The following METTL16 variants were observed in gnomAD, a reference collection of about 807,000 sequenced individuals.
The protein encoded by METTL16 is RNA N(6)-adenosine-methyltransferase METTL16.
METTL16 carries 19 observed loss-of-function variants against 57.9 expected under a neutral mutation model. The ratio of observed to expected loss-of-function variants is 0.33; its 90% CI spans 0.23 to 0.48. The LOEUF is 0.48. Among genes scored for constraint, METTL16 ranks in the 20% least tolerant of loss-of-function variants. The probability of loss-of-function intolerance (pLI) is 0.99; values close to 1 mark genes in which losing one functional copy is unlikely to be tolerated. For missense variants in METTL16, 434 were observed against 691.5 expected (o/e 0.63, Z 4.18); for synonymous variants, 246 against 255.6 (o/e 0.96, Z 0.36).
At chr17:2,443,386 A>T (rs932487117) in intron 6 of METTL16, among the ~76,000 whole-genome samples, 1 of 152,196 alleles carries the variant, frequency 6.6e-6, no homozygotes, top group Non-Finnish European at 1.5e-5. Context: ...TAAGGAAGAA[A>T]TAATATTAAT....
intron 8 of METTL16, among the ~76,000 whole-genome samples, chr17:2,430,412 CTTTTTTTTT>C (rs903960118): frequency 6.8e-5 from 8 of 118,500 alleles, no homozygotes; most frequent in African/African-American, 2.3e-4. Flanking sequence ...TTAGAATTCT[CTTTTTTTTT>C]TTTTTTTTTT....
At position 2,510,723 on chromosome 17, in the gene METTL16, T is replaced by C. The variant is rs548332028; in HGVS notation, c.-1+1036A>G. ...CATTCTGTTGCCCAGAGTGCAATGA[T>C]GGAATCATAGCTCCCTGCAGCCTCC... is the stretch of plus-strand genomic sequence containing the variant. On this transcript the variant is annotated intron_variant, in intron 1 of 9. Transcript: ENST00000263092. 3.3e-5 allele frequency among the ~76,000 whole-genome samples: 5 copies of C among 152,142 alleles called. No individual in the cohort carries two copies. In the South Asian group the frequency reaches 1.0e-3, roughly 32 times the overall value.
chr17:2,433,274 G>C (rs540581337), intron 8 of METTL16, among the ~76,000 whole-genome samples: 26 of 152,320 alleles, frequency 1.7e-4, no homozygotes, highest in African/African-American at 4.6e-4. Flanking sequence ...CGGCACCATG[G>C]GAAGGCTGTG....
rs766217686 is a variant in METTL16, at chr17:2,477,673, TA to T, written c.328+12del. Reference sequence around the variant, plus strand: ...AAAACTGTTTAGCCAAAAAAGAATTTAAAATGATATACCTATGTCAATTCCT... The same window carrying T: ...AAAACTGTTTAGCCAAAAAAGAATTTAAATGATATACCTATGTCAATTCCT... On this transcript the variant is annotated intron_variant, in intron 3 of 9. Transcript: ENST00000263092. 1 of 1,595,742 alleles carries T rather than the reference TA, an allele frequency of 6.3e-7. No homozygotes were observed. Among genetic ancestry groups the T allele is most frequent in the Non-Finnish European group, 8.6e-7 (1 of 1,165,226 alleles).
intron 4 of METTL16, among the ~76,000 whole-genome samples, chr17:2,470,252 T>C (rs954679948): frequency 5.3e-5 from 8 of 151,888 alleles, no homozygotes; most frequent in African/African-American, 1.9e-4. Flanking sequence ...TTCAGCACTA[T>C]GTTTAGGGAC....
chr17:2,480,263 G>A (rs977719710), intron 2 of METTL16, among the ~76,000 whole-genome samples: 4 of 151,932 alleles, frequency 2.6e-5, no homozygotes, highest in Admixed American at 6.6e-5. Context: ...ATGGATGATG[G>A]GCAGCATCAG....
Position 2,467,714 on chromosome 17 carries a change from C to T in METTL16, c.585+47G>A, listed in dbSNP as rs763149492. ...GTGCAGGGATTACAGGCGTGAGCCA[C>T]CGCGCCCAGCCTATATTCAATTATT... On this transcript the variant is annotated intron_variant, in intron 5 of 9. Transcript: ENST00000263092. 8.1e-6 allele frequency: 12 copies of T among 1,480,592 alleles called. 1 individual carries two copies. The Admixed American group carries it at 1.2e-4, about 14-fold the overall frequency. The allele number at this position is 1,480,592 out of a possible 1,614,324, so 91.7% of individuals were successfully genotyped here.
intron 6 of METTL16, among the ~76,000 whole-genome samples, chr17:2,453,950 A>G (rs1440586239): frequency 5.9e-5 from 9 of 152,146 alleles, no homozygotes; most frequent in African/African-American, 2.2e-4. Context: ...ATAATAGTTT[A>G]TTATTCTTTC....
rs1335308832 is a variant in METTL16 at position 2,426,713 on chromosome 17, A to G, written c.889-5809T>C. Among the ~76,000 whole-genome samples the G allele has an allele frequency of 2.9e-5, 4 of 139,818 alleles. No individual in the cohort carries two copies. The East Asian group carries it at 8.6e-4, about 30-fold the overall frequency. The allele number at this position is 139,818 out of a possible 152,430, so 91.7% of individuals were successfully genotyped here. On this transcript the variant is annotated intron_variant, in intron 8 of 9. Coordinates refer to ENST00000263092, the MANE Select transcript of METTL16 (RefSeq NM_024086.4). ...CACTGGACTCCAACCTGGGTGACAG[A>G]GCAAGACTCCGTCTCAAAAAAAAAA...
chr17:2,468,838 T>C (rs1438080039), intron 4 of METTL16, among the ~76,000 whole-genome samples: 1 of 152,006 alleles, frequency 6.6e-6, no homozygotes, highest in Non-Finnish European at 1.5e-5. Flanking sequence ...CAGCGAGCCA[T>C]GATCACGCCA....
intron 6 of METTL16, among the ~76,000 whole-genome samples, chr17:2,456,912 C>T (rs537314014): frequency 6.6e-6 from 1 of 150,702 alleles, no homozygotes; most frequent in African/African-American, 2.4e-5. Context: ...CTCAGCCTGC[C>T]ATGTAGCTGG....
chr17:2,430,409 TCTC>T (rs1285540330), intron 8 of METTL16, among the ~76,000 whole-genome samples: 2 of 146,076 alleles, frequency 1.4e-5, no homozygotes, highest in Non-Finnish European at 3.0e-5. Context: ...TTTTTAGAAT[TCTC>T]TTTTTTTTTT....
intron 6 of METTL16, among the ~76,000 whole-genome samples, chr17:2,451,896 A>G (rs1398678742): frequency 1.3e-5 from 2 of 152,112 alleles, no homozygotes; most frequent in Non-Finnish European, 2.9e-5. Context: ...CTGTAACCCC[A>G]GCACTTTGGG....
chr17:2,453,172 A>G (rs150893085), intron 6 of METTL16, among the ~76,000 whole-genome samples: 1 of 152,268 alleles, frequency 6.6e-6, no homozygotes, highest in East Asian at 1.9e-4. Context: ...AAACAAGTGT[A>G]TTCATTTTTG....
intron 4 of METTL16, 128 bp downstream of exon 4, chr17:2,473,396 A>C: frequency 2.0e-6 from 2 of 1,017,214 alleles, no homozygotes; most frequent in Non-Finnish European, 2.8e-6. Flanking sequence ...AGCAAACCCA[A>C]TTACAAAGTG....
chr17:2,478,556 AAC>A (rs776548391), intron 2 of METTL16, among the ~76,000 whole-genome samples: 158 of 152,358 alleles, frequency 1.0e-3, no homozygotes, highest in Non-Finnish European at 1.9e-3. Flanking sequence ...CTAGTATATT[AAC>A]AGAGTCGTGC....
chr17:2,448,795 TAAAATTTAA>T (rs2067042442), intron 6 of METTL16, among the ~76,000 whole-genome samples: 3 of 36,828 alleles, frequency 8.1e-5, no homozygotes, highest in Admixed American at 2.7e-4. Context: ...AAAATAAAAA[TAAAATTTAA>T]AAAAAAAAAA....
In METTL16 at chr17:2,477,828, T is replaced by C. The variant is rs1316228456; in HGVS notation, c.186A>G (p.Glu62=). The C allele has an allele frequency of 1.9e-6, 3 of 1,614,132 alleles. No individual in the cohort carries two copies. The highest frequency in any genetic ancestry group is 3.3e-5 in the Admixed American group (2 of 60,026). ...VRALTCTLLR[E]DFGLSIDIPL... is the part of the protein sequence containing the mutation. Reference sequence around the variant, plus strand: ...GAATATCAATAGAAAGTCCAAAATCTTCCCTTAGGAGAGTACACGTCAGAG... The same window carrying C: ...GAATATCAATAGAAAGTCCAAAATCCTCCCTTAGGAGAGTACACGTCAGAG... Residue 62 remains glutamate (E), a synonymous_variant, in exon 3 of 10, where the codon GAA becomes GAG. Coordinates refer to ENST00000263092, the MANE Select transcript of METTL16 (RefSeq NM_024086.4).
intron 1 of METTL16, among the ~76,000 whole-genome samples, chr17:2,507,414 G>A (rs566852700): frequency 0.016 from 2,430 of 148,198 alleles, 51 homozygotes; most frequent in African/African-American, 0.056. Flanking sequence ...CGCCCCATCC[G>A]GGAGGTGAGG....
Sources: allele counts gnomAD v4.1 joint callset (sites outside exome capture counted in the v4.1 genomes callset), GRCh38; gene constraint gnomAD v4.1.1; transcripts MANE v1.5; gene names NCBI Gene and HGNC (gene_info 2026-07-23, HGNC 2026-07-21).